PCSK6: variants seen among roughly 807,000 people sequenced by gnomAD.
PCSK6 encodes paired basic amino acid cleaving enzyme 4.
A neutral mutation model predicts 123.3 loss-of-function variants in PCSK6; 85 were observed. That is an observed-to-expected ratio of 0.69 (90% CI 0.58 to 0.83). The LOEUF (loss-of-function observed/expected upper bound fraction) is 0.83, where lower values mean the gene tolerates loss of function less well. Among genes scored for constraint, PCSK6 ranks in the 40% least tolerant of loss-of-function variants. PCSK6 has a pLI of 0.00. For synonymous variants in PCSK6, 508 were observed against 516.0 expected, an observed-to-expected ratio of 0.98 and a Z score of 0.21; for missense variants, 1,191 against 1,282.3, an observed-to-expected ratio of 0.93 and a Z score of 1.09.
intron 19 of PCSK6, chr15:101,313,734 C>T: frequency 5.4e-6 from 3 of 551,024 alleles, no homozygotes; most frequent in Non-Finnish European, 9.3e-6. Context: ...ATGAGATGAT[C>T]TCAGAGGGAG....
rs750670376 is a variant in PCSK6 at position 101,443,538 on chromosome 15, C to T, written c.402+18G>A. 7 of 1,562,050 alleles carry T rather than the reference C, an allele frequency of 4.5e-6. No individual in the cohort carries two copies. Among genetic ancestry groups the T allele is most frequent in the Non-Finnish European group, 6.2e-6 (7 of 1,132,660 alleles). On this transcript the variant is annotated intron_variant, in intron 2 of 21. Transcript: ENST00000611716. ...CCAAACCCTCCAGCCCTTAGGAAAG[C>T]ATCCGGACACTCTGTACCTGGGGGT...
intron 1 of PCSK6, among the ~76,000 whole-genome samples, chr15:101,446,769 C>G (rs967453510): frequency 1.3e-5 from 2 of 152,216 alleles, no homozygotes; most frequent in African/African-American, 4.8e-5. Flanking sequence ...TGGGAAGTGG[C>G]GGTCCATACA....
chr15:101,395,733 C>T (rs549452219), intron 7 of PCSK6, among the ~76,000 whole-genome samples: 2 of 152,314 alleles, frequency 1.3e-5, no homozygotes, highest in African/African-American at 4.8e-5. Flanking sequence ...AATCGTATTT[C>T]GATGTCTTCC....
intron 2 of PCSK6, among the ~76,000 whole-genome samples, chr15:101,435,754 G>A (rs1010311300): frequency 7.2e-5 from 11 of 152,210 alleles, no homozygotes; most frequent in Non-Finnish European, 1.0e-4. Context: ...TGAGGCATCC[G>A]TTGACTGTCC....
intron 1 of PCSK6, among the ~76,000 whole-genome samples, chr15:101,483,367 G>A (rs564889330): frequency 5.9e-5 from 9 of 152,326 alleles, no homozygotes; most frequent in Admixed American, 2.6e-4. Flanking sequence ...GAAATTCTGG[G>A]CCAGGTATGT....
chr15:101,412,808 T>C (rs1053814880), intron 6 of PCSK6, among the ~76,000 whole-genome samples: 1 of 151,640 alleles, frequency 6.6e-6, no homozygotes, highest in African/African-American at 2.4e-5. Flanking sequence ...CTAAACTTCA[T>C]GTCACTAGAG....
intron 13 of PCSK6, among the ~76,000 whole-genome samples, chr15:101,355,478 T>C (rs2041010473): frequency 1.3e-5 from 2 of 152,222 alleles, no homozygotes; most frequent in African/African-American, 4.8e-5. Context: ...TCAGTAAAGT[T>C]TGGGCCCTGT....
intron 7 of PCSK6, among the ~76,000 whole-genome samples, chr15:101,396,055 G>T (rs1442124146): frequency 6.6e-6 from 1 of 152,142 alleles, no homozygotes; most frequent in Non-Finnish European, 1.5e-5. Context: ...ATGTGGTTTG[G>T]TTTGAGATCA....
chr15:101,305,637 G>C lies in PCSK6; in HGVS notation c.2813-282C>G, dbSNP rs2039706129. ...GCAGGAGAACCACCTGAACCCAGGA[G>C]GCAGAGGTTGCAGTGAGCTGAGATC... On this transcript the variant is annotated intron_variant, in intron 21 of 21. Coordinates refer to ENST00000611716, the MANE Select transcript of PCSK6 (RefSeq NM_002570.5). The surrounding 1 kb of genome is among the most constrained non-coding windows in gnomAD (Gnocchi z 4.8). 5.7e-6 allele frequency: 2 copies of C among 348,222 alleles called. No individual in the cohort carries two copies. The highest frequency in any genetic ancestry group is 1.1e-5 in the Non-Finnish European group (2 of 185,554). 21.6% of individuals were successfully genotyped at this position (348,222 alleles called of 1,614,324 possible).
At chr15:101,351,385 G>T (rs1165681139) in intron 13 of PCSK6, among the ~76,000 whole-genome samples, 3 of 152,208 alleles carry the variant, frequency 2.0e-5, no homozygotes, top group Admixed American at 6.5e-5. Context: ...TTCCAATTTA[G>T]CAAGGAAGTT....
At chr15:101,355,324 T>C (rs968146583) in intron 13 of PCSK6, among the ~76,000 whole-genome samples, 1 of 152,246 alleles carries the variant, frequency 6.6e-6, no homozygotes, top group African/African-American at 2.4e-5. Flanking sequence ...GTGTCAATTA[T>C]AGAGAGAAGA....
chr15:101,453,350 GC>G, intron 1 of PCSK6, among the ~76,000 whole-genome samples: 1 of 152,214 alleles, frequency 6.6e-6, no homozygotes, highest in Non-Finnish European at 1.5e-5. Context: ...CCCGCAGGCT[GC>G]CCCTGTGCAG....
intron 13 of PCSK6, among the ~76,000 whole-genome samples, chr15:101,355,795 G>C (rs1009303799): frequency 3.7e-4 from 56 of 152,246 alleles, no homozygotes; most frequent in Non-Finnish European, 7.6e-4. Context: ...AGCGGGATGT[G>C]GCCCTGGGTG....
intron 1 of PCSK6, among the ~76,000 whole-genome samples, chr15:101,479,385 C>G (rs1040036744): frequency 6.6e-6 from 1 of 152,194 alleles, no homozygotes; most frequent in African/African-American, 2.4e-5. Flanking sequence ...GAGCACAGAG[C>G]AGTGGGGCTC....
In PCSK6 at chr15:101,328,594, G is replaced by A. The variant is rs145210042; in HGVS notation, c.2078-2115C>T. On this transcript the variant is annotated intron_variant, in intron 15 of 21. Coordinates refer to ENST00000611716, the MANE Select transcript of PCSK6 (RefSeq NM_002570.5). Reference sequence around the variant, plus strand: ...AGCAGTGCTCCCAGCTGCTGGTCCGGGTGTATGGACTTCACACCCCCCACC... The same window carrying A: ...AGCAGTGCTCCCAGCTGCTGGTCCGAGTGTATGGACTTCACACCCCCCACC... 7.2e-5 allele frequency among the ~76,000 whole-genome samples: 11 copies of A among 152,176 alleles called. No individual in the cohort carries two copies. In the East Asian group the frequency reaches 1.2e-3, roughly 16 times the overall value.
chr15:101,489,271 GC>G (rs1315196459), intron 1 of PCSK6, 102 bp downstream of exon 1: 6 of 669,536 alleles, frequency 9.0e-6, no homozygotes, highest in Admixed American at 1.3e-4. Context: ...TCCCACGCGC[GC>G]GCGGGGCCGG....
intron 19 of PCSK6, chr15:101,313,942 C>T (rs145530598): frequency 1.1e-3 from 165 of 154,914 alleles, no homozygotes; most frequent in African/African-American, 3.7e-3. Context: ...GGATATGTTA[C>T]TAAAATTATT....
chr15:101,415,881 G>C (rs1037594440), intron 6 of PCSK6, among the ~76,000 whole-genome samples: 1 of 152,204 alleles, frequency 6.6e-6, no homozygotes, highest in African/African-American at 2.4e-5. Context: ...ATGATTCTGA[G>C]GCCTTCCCAG....
At position 101,332,004 on chromosome 15, in the gene PCSK6, A is replaced by G; in HGVS notation, c.1886T>C (p.Leu629Pro). ...GTACGGGTGCTCTGCTGTGCCATACAGTATGAGGCTCCATTCTTTCAACTT... is the reference window on the plus strand; with the variant it reads ...GTACGGGTGCTCTGCTGTGCCATACGGTATGAGGCTCCATTCTTTCAACTT... ...QGKLKEWSLI[L>P]YGTAEHPYHT... The change falls in exon 14 of 22, where the codon CTG becomes CCG. Residue 629 changes from leucine (L) to proline (P), a missense_variant. Coordinates refer to ENST00000611716, the MANE Select transcript of PCSK6 (RefSeq NM_002570.5). The G allele has an allele frequency of 6.2e-7, 1 of 1,603,994 alleles. No homozygotes were observed.
Sources: allele counts gnomAD v4.1 joint callset (sites outside exome capture counted in the v4.1 genomes callset), GRCh38; gene constraint gnomAD v4.1.1; non-coding constraint Gnocchi (gnomAD v3.1); transcripts MANE v1.5; gene names NCBI Gene and HGNC (gene_info 2026-07-23, HGNC 2026-07-21).